SLC2A13: variants seen among roughly 807,000 people sequenced by gnomAD.
SLC2A13 encodes solute carrier family 2 member 13.
Under a neutral mutation model 64.4 loss-of-function variants are expected in SLC2A13, and 32 were observed. That is an observed-to-expected ratio of 0.50 (90% CI 0.37 to 0.67). The LOEUF (loss-of-function observed/expected upper bound fraction) is 0.67. Among genes scored for constraint, SLC2A13 ranks in the 30% least tolerant of loss-of-function variants. SLC2A13 has a pLI of 0.00. For missense variants in SLC2A13, 743 were observed against 829.2 expected (o/e 0.90, Z 1.28); for synonymous variants, 338 against 327.1 (o/e 1.03, Z -0.36).
intron 5 of SLC2A13, among the ~76,000 whole-genome samples, chr12:39,870,538 C>T (rs1944020243): frequency 6.6e-6 from 1 of 152,160 alleles, no homozygotes; most frequent in Non-Finnish European, 1.5e-5. Context: ...TGGTAGGCTT[C>T]TGCCTTTAGT....
intron 7 of SLC2A13, among the ~76,000 whole-genome samples, chr12:39,799,649 A>G (rs1941713981): frequency 1.3e-5 from 2 of 152,242 alleles, no homozygotes; most frequent in Admixed American, 6.5e-5. Flanking sequence ...AATCAAGACC[A>G]CAAAACAGTA....
chr12:39,763,403 C>A (rs1940234813), intron 9 of SLC2A13, among the ~76,000 whole-genome samples: 1 of 152,048 alleles, frequency 6.6e-6, no homozygotes, highest in African/African-American at 2.4e-5. Flanking sequence ...ATCATATTCA[C>A]CATTCATCTG....
chr12:39,828,329 T>C (rs1942749635), intron 7 of SLC2A13, among the ~76,000 whole-genome samples: 2 of 152,136 alleles, frequency 1.3e-5, no homozygotes, highest in Admixed American at 1.3e-4. Flanking sequence ...TTTTTTTTAG[T>C]TATTTTTATT....
intron 1 of SLC2A13, among the ~76,000 whole-genome samples, chr12:40,097,594 T>C (rs910554593): frequency 2.0e-5 from 3 of 152,104 alleles, no homozygotes; most frequent in Admixed American, 1.3e-4. Flanking sequence ...AAAGAAGATA[T>C]ACAAATGTAC....
Position 40,048,210 on chromosome 12 carries a change from C to T in SLC2A13, c.557G>A (p.Gly186Asp). 6.3e-7 allele frequency: 1 copy of T among 1,586,128 alleles called. No homozygotes were observed. Among genetic ancestry groups the T allele is most frequent in the Middle Eastern group, 1.7e-4 (1 of 5,912 alleles). The change falls in exon 2 of 10, where the codon GGC becomes GAC. Residue 186 changes from glycine to aspartate, a missense_variant and splice_region_variant. Gly to Asp is a moderately conservative substitution (Grantham distance 94). Transcript: ENST00000280871. Reference protein sequence around the residue: ...AGRLVVGLGIGIASMTVPVYI... With the variant: ...AGRLVVGLGIDIASMTVPVYI... The stretch of plus-strand genomic sequence containing the variant: ...CACTGGCACTGTCATAGAAGCAATG[C>T]CTATAAAAACAATGAAAAGTAAATG...
chr12:39,960,060 T>C (rs891889678), intron 3 of SLC2A13, among the ~76,000 whole-genome samples: 17 of 152,228 alleles, frequency 1.1e-4, no homozygotes, highest in African/African-American at 3.9e-4. Flanking sequence ...ATTGTTAGCA[T>C]TGTCTATAGA....
chr12:39,897,602 C>T (rs1052690514), intron 4 of SLC2A13, among the ~76,000 whole-genome samples: 1 of 152,144 alleles, frequency 6.6e-6, no homozygotes, highest in African/African-American at 2.4e-5. Context: ...GAACCAACCA[C>T]ATGCAGCTCT....
At chr12:40,052,846 T>C (rs1420234642) in intron 1 of SLC2A13, among the ~76,000 whole-genome samples, 1 of 152,054 alleles carries the variant, frequency 6.6e-6, no homozygotes, top group African/African-American at 2.4e-5. Flanking sequence ...ATGCTTAGAA[T>C]AGAATCCTGA....
At chr12:39,806,825 C>G (rs1184901105) in intron 7 of SLC2A13, among the ~76,000 whole-genome samples, 2 of 151,876 alleles carry the variant, frequency 1.3e-5, no homozygotes, top group Non-Finnish European at 2.9e-5. Flanking sequence ...TGGAAACAAC[C>G]CATGTCTTTA....
intron 1 of SLC2A13, among the ~76,000 whole-genome samples, chr12:40,063,308 C>G (rs1179443532): frequency 6.6e-6 from 1 of 152,108 alleles, no homozygotes; most frequent in Non-Finnish European, 1.5e-5. Flanking sequence ...AGTTACAGGA[C>G]TACTTTCTTT....
chr12:39,932,958 T>TA (rs1945853820), intron 4 of SLC2A13, among the ~76,000 whole-genome samples: 1 of 151,896 alleles, frequency 6.6e-6, no homozygotes. Context: ...ATTTAAAGTG[T>TA]AATGGAGCCT....
intron 2 of SLC2A13, among the ~76,000 whole-genome samples, chr12:40,029,050 G>A (rs577057534): frequency 6.6e-6 from 1 of 152,022 alleles, no homozygotes; most frequent in South Asian, 2.1e-4. Flanking sequence ...ATCATTAACT[G>A]AGGAATGGGG....
intron 1 of SLC2A13, among the ~76,000 whole-genome samples, chr12:40,095,707 T>C (rs1938915182): frequency 6.6e-6 from 1 of 152,230 alleles, no homozygotes; most frequent in Non-Finnish European, 1.5e-5. Flanking sequence ...AAAGAATTAT[T>C]AGCAACTTTA....
At chr12:39,834,523 G>A (rs990213484) in intron 6 of SLC2A13, among the ~76,000 whole-genome samples, 15 of 152,002 alleles carry the variant, frequency 9.9e-5, no homozygotes, top group African/African-American at 1.9e-4. Context: ...ATGTGCAGGC[G>A]TAAAGCCTTT....
chr12:39,933,434 T>C lies in SLC2A13; in HGVS notation c.1034+17823A>G, dbSNP rs567146570. On this transcript the variant is annotated intron_variant, in intron 4 of 9. Coordinates refer to ENST00000280871, the MANE Select transcript of SLC2A13 (RefSeq NM_052885.4). ...GGCAGCAGTGAAATGAAGATAAATA[T>C]AGGAAGGATGCATGCTAAATAATAG... Among the ~76,000 whole-genome samples, 29 of 152,238 alleles carry C rather than the reference T, an allele frequency of 1.9e-4. No homozygotes were observed. The South Asian group carries it at 5.8e-3, about 30-fold the overall frequency.
chr12:40,062,231 C>T (rs1449754969), intron 1 of SLC2A13, among the ~76,000 whole-genome samples: 1 of 152,038 alleles, frequency 6.6e-6, no homozygotes, highest in Non-Finnish European at 1.5e-5. Flanking sequence ...GATAGGTGGT[C>T]TTGTGAGGCT....
At chr12:39,834,548 G>A (rs948332675) in intron 6 of SLC2A13, among the ~76,000 whole-genome samples, 1 of 151,966 alleles carries the variant, frequency 6.6e-6, no homozygotes, top group Non-Finnish European at 1.5e-5. Flanking sequence ...TATTAAAAAA[G>A]CATGAAAAAC....
chr12:40,091,021 C>T (rs943646409), intron 1 of SLC2A13, among the ~76,000 whole-genome samples: 5 of 152,148 alleles, frequency 3.3e-5, no homozygotes, highest in African/African-American at 9.7e-5. Flanking sequence ...AATGGTACGG[C>T]CCACTACATA....
At chr12:40,001,942 C>T (rs761851887) in intron 3 of SLC2A13, among the ~76,000 whole-genome samples, 9 of 152,080 alleles carry the variant, frequency 5.9e-5, no homozygotes, top group Non-Finnish European at 7.4e-5. Context: ...AATCAATTTC[C>T]ATAATTAATA....
Sources: allele counts gnomAD v4.1 joint callset (sites outside exome capture counted in the v4.1 genomes callset), GRCh38; gene constraint gnomAD v4.1.1; transcripts MANE v1.5; gene names NCBI Gene and HGNC (gene_info 2026-07-23, HGNC 2026-07-21).